The following ZYG11B variants were observed in gnomAD, a reference collection of about 807,000 sequenced individuals.
ZYG11B encodes the protein protein zyg-11 homolog B.
ZYG11B carries 36 observed loss-of-function variants against 82.4 expected under a neutral mutation model. The ratio of observed to expected loss-of-function variants is 0.44; its 90% CI spans 0.33 to 0.58. The LOEUF (loss-of-function observed/expected upper bound fraction) is 0.58. Ranked by LOEUF, ZYG11B falls within the 20% of genes least tolerant of loss-of-function variation. The pLI, the probability that ZYG11B is intolerant of heterozygous loss-of-function variation, is 0.02. For synonymous variants in ZYG11B, 303 were observed against 312.8 expected, an observed-to-expected ratio of 0.97 and a Z score of 0.33; for missense variants, 552 against 895.6, an observed-to-expected ratio of 0.62 and a Z score of 4.90.
chr1:52,811,921 C>T (rs921742094), intron 10 of ZYG11B, among the ~76,000 whole-genome samples: 2 of 151,970 alleles, frequency 1.3e-5, no homozygotes, highest in African/African-American at 4.8e-5. Flanking sequence ...GCCCCAGGTA[C>T]CCGGGAGGCT....
chr1:52,796,827 G>A (rs1475362892), intron 8 of ZYG11B, 43 bp downstream of exon 8: 7 of 1,279,504 alleles, frequency 5.5e-6, no homozygotes, highest in Non-Finnish European at 7.1e-6. Flanking sequence ...AGATATTCAT[G>A]TTTATTGTTT....
At chr1:52,775,263 T>A (rs1433447856) in intron 3 of ZYG11B, among the ~76,000 whole-genome samples, 1 of 152,186 alleles carries the variant, frequency 6.6e-6, no homozygotes, top group Non-Finnish European at 1.5e-5. Flanking sequence ...GACTCCTATA[T>A]TGAACTGCAG....
chr1:52,813,426 C>A, intron 10 of ZYG11B, 110 bp from the exon 11 acceptor site: 1 of 819,672 alleles, frequency 1.2e-6, no homozygotes, highest in South Asian at 2.0e-5. Flanking sequence ...CAGGGAAATA[C>A]TTTTCTTTCA....
At chr1:52,745,178 G>A (rs1306368881) in intron 1 of ZYG11B, among the ~76,000 whole-genome samples, 1 of 152,276 alleles carries the variant, frequency 6.6e-6, no homozygotes, top group African/African-American at 2.4e-5. Flanking sequence ...CAACAAAACA[G>A]ATAACTGACT....
chr1:52,751,537 G>A (rs2149926894), intron 1 of ZYG11B, among the ~76,000 whole-genome samples: 1 of 152,130 alleles, frequency 6.6e-6, no homozygotes, highest in South Asian at 2.1e-4. Flanking sequence ...GACTGAGGCA[G>A]GAGAATCACT....
Position 52,816,515 on chromosome 1 carries a change from T to C in ZYG11B, c.1947-17T>C. ...AATATGGGATGTAACTTTGATTCTTTTCTTTTGAACCTTTAGGTCCTTTAA... is the reference window on the plus strand; with the variant it reads ...AATATGGGATGTAACTTTGATTCTTCTCTTTTGAACCTTTAGGTCCTTTAA... On this transcript the variant is annotated splice_polypyrimidine_tract_variant and intron_variant, in intron 12 of 13. Transcript: ENST00000294353. The C allele has an allele frequency of 2.6e-6, 4 of 1,561,712 alleles. 1 individual carries two copies. The highest frequency in any genetic ancestry group is 1.7e-6 in the Non-Finnish European group (2 of 1,144,758).
chr1:52,803,257 TATATATATACACACACACACAC>T lies in ZYG11B; in HGVS notation c.1695+1128_1695+1149del, dbSNP rs1186420352. ...ATATATATACACACACACATATATA[TATATATATACACACACACACAC>T]ATATATATATATATATATACACATA... On this transcript the variant is annotated intron_variant, in intron 10 of 13. Coordinates refer to ENST00000294353, the MANE Select transcript of ZYG11B (RefSeq NM_024646.3). Among the ~76,000 whole-genome samples the T allele has an allele frequency of 2.1e-3, 172 of 83,698 alleles. 6 individuals are homozygous for T. The highest frequency in any genetic ancestry group is 8.1e-3 in the African/African-American group (159 of 19,578). The allele number at this position is 83,698 out of a possible 152,430, so 54.9% of individuals were successfully genotyped here. A position where few individuals can be genotyped will look rare whatever the true frequency, so the allele number is the denominator to read the frequency against.
At chr1:52,738,118 G>T (rs1044567878) in intron 1 of ZYG11B, among the ~76,000 whole-genome samples, 1 of 152,234 alleles carries the variant, frequency 6.6e-6, no homozygotes, top group African/African-American at 2.4e-5. Context: ...TTCTTCCAGA[G>T]AGTAGAATGT....
At chr1:52,741,892 A>T (rs1644434138) in intron 1 of ZYG11B, among the ~76,000 whole-genome samples, 1 of 152,162 alleles carries the variant, frequency 6.6e-6, no homozygotes, top group Admixed American at 6.5e-5. Context: ...TAAATGGTAG[A>T]GGTGGCATTT....
intron 1 of ZYG11B, among the ~76,000 whole-genome samples, chr1:52,735,122 C>T (rs12031582): frequency 0.33 from 49,694 of 151,158 alleles, 9,909 homozygotes; most frequent in Admixed American, 0.46. Flanking sequence ...CCTCCGCCTC[C>T]CAGGTTCAAG....
At chr1:52,744,697 C>T (rs1644462131) in intron 1 of ZYG11B, among the ~76,000 whole-genome samples, 1 of 152,142 alleles carries the variant, frequency 6.6e-6, no homozygotes, top group South Asian at 2.1e-4. Flanking sequence ...AAAAAGTTAG[C>T]CGGGCATGGT....
At chr1:52,784,289 G>T in intron 4 of ZYG11B, among the ~76,000 whole-genome samples, 1 of 152,102 alleles carries the variant, frequency 6.6e-6, no homozygotes, top group Non-Finnish European at 1.5e-5. Flanking sequence ...ACCATGCCTG[G>T]CCCCCAGTGA....
intron 6 of ZYG11B, among the ~76,000 whole-genome samples, chr1:52,792,403 T>C (rs1023818717): frequency 6.6e-6 from 1 of 152,196 alleles, no homozygotes; most frequent in Non-Finnish European, 1.5e-5. Flanking sequence ...AACTAGCATG[T>C]ATGAAGCACT....
chr1:52,802,372 G>A (rs1187554056), intron 10 of ZYG11B, among the ~76,000 whole-genome samples: 2 of 135,566 alleles, frequency 1.5e-5, no homozygotes, highest in African/African-American at 5.7e-5. Context: ...TTTTGAGACA[G>A]GGTCTCACTT....
At chr1:52,779,254 A>T (rs1644835179) in intron 3 of ZYG11B, among the ~76,000 whole-genome samples, 1 of 152,118 alleles carries the variant, frequency 6.6e-6, no homozygotes, top group Non-Finnish European at 1.5e-5. Flanking sequence ...GGCAGATAGG[A>T]TCCTAATCAA....
intron 10 of ZYG11B, among the ~76,000 whole-genome samples, chr1:52,803,123 C>CAT (rs1313356218): frequency 0.43 from 23,082 of 53,442 alleles, 5,227 homozygotes; most frequent in South Asian, 0.57. Context: ...TATATACACA[C>CAT]ATATATATAT....
intron 10 of ZYG11B, chr1:52,804,980 A>G (rs1645129432): frequency 2.0e-5 from 3 of 150,780 alleles, no homozygotes; most frequent in Admixed American, 6.7e-5. Context: ...AATCCCAGCT[A>G]CTCGAGAGGC....
At chr1:52,805,446 T>G (rs1326289519) in intron 10 of ZYG11B, 1 of 455,820 alleles carries the variant, frequency 2.2e-6, no homozygotes, top group East Asian at 6.9e-5. Context: ...ATTAAATAAA[T>G]TACAGCATTT....
At chr1:52,755,284 C>T (rs935493336) in intron 1 of ZYG11B, among the ~76,000 whole-genome samples, 3 of 151,804 alleles carry the variant, frequency 2.0e-5, no homozygotes, top group African/African-American at 7.3e-5. Context: ...GTTGAATTAT[C>T]CTGGCATTCT....
Sources: allele counts gnomAD v4.1 joint callset (sites outside exome capture counted in the v4.1 genomes callset), GRCh38; gene constraint gnomAD v4.1.1; transcripts MANE v1.5; gene names NCBI Gene and HGNC (gene_info 2026-07-23, HGNC 2026-07-21).